Variants in L2HGDH observed in about 807,000 individuals in gnomAD.
L2HGDH encodes the protein L-2-hydroxyglutarate dehydrogenase, also known as L-2-hydroxyglutarate dehydrogenase, mitochondrial.
Under a neutral mutation model 51.5 loss-of-function variants are expected in L2HGDH, and 34 were observed. The ratio of observed to expected loss-of-function variants is 0.66; its 90% CI spans 0.50 to 0.88. The LOEUF is 0.88. Among genes scored for constraint, L2HGDH ranks in the 40% least tolerant of loss-of-function variants. The probability of loss-of-function intolerance (pLI) is 0.00; values close to 1 mark genes in which losing one functional copy is unlikely to be tolerated. For synonymous variants in L2HGDH, 198 were observed against 197.9 expected (o/e 1.00, Z -0.01); for missense variants, 558 against 571.9 (o/e 0.98, Z 0.25).
chr14:50,249,297 G>C (rs2139928244), intron 9 of L2HGDH, among the ~76,000 whole-genome samples: 1 of 152,334 alleles, frequency 6.6e-6, no homozygotes, highest in African/African-American at 2.4e-5. Context: ...CAGTGGACTA[G>C]GGTGGCATGT....
At chr14:50,271,371 T>G (rs191977257) in intron 6 of L2HGDH, among the ~76,000 whole-genome samples, 2 of 152,308 alleles carry the variant, frequency 1.3e-5, no homozygotes, top group African/African-American at 4.8e-5. Context: ...AATAACCTAA[T>G]AGTTCTCTTT....
chr14:50,259,951 G>A (rs1000458111), intron 9 of L2HGDH, among the ~76,000 whole-genome samples: 1 of 150,284 alleles, frequency 6.7e-6, no homozygotes, highest in Non-Finnish European at 1.5e-5. Context: ...GGGTGGGGAG[G>A]GGAGGGAGGG....
chr14:50,271,880 C>T (rs910087572), intron 6 of L2HGDH, among the ~76,000 whole-genome samples: 6 of 152,214 alleles, frequency 3.9e-5, no homozygotes, highest in Non-Finnish European at 5.9e-5. Context: ...GTGGCTCACA[C>T]CTGTAATCCC....
At chr14:50,289,981 G>A (rs555877777) in intron 4 of L2HGDH, among the ~76,000 whole-genome samples, 6 of 152,080 alleles carry the variant, frequency 3.9e-5, no homozygotes, top group East Asian at 1.9e-4. Flanking sequence ...ACTCCCTTAA[G>A]TCGGCCAGGC....
At chr14:50,268,489 T>C (rs1889480175) in intron 7 of L2HGDH, among the ~76,000 whole-genome samples, 1 of 151,998 alleles carries the variant, frequency 6.6e-6, no homozygotes, top group South Asian at 2.1e-4. Context: ...CTGTCTTACT[T>C]CAGGCTATTC....
At chr14:50,293,453 T>C (rs1282689735) in intron 4 of L2HGDH, among the ~76,000 whole-genome samples, 1 of 152,218 alleles carries the variant, frequency 6.6e-6, no homozygotes, top group Non-Finnish European at 1.5e-5. Context: ...TTTTTTCTAT[T>C]TTATTTTATT....
At chr14:50,258,768 C>T (rs1888822538) in intron 9 of L2HGDH, among the ~76,000 whole-genome samples, 2 of 152,126 alleles carry the variant, frequency 1.3e-5, no homozygotes, top group South Asian at 4.1e-4. Flanking sequence ...CTGATTCAGC[C>T]TCCCAAAGTG....
chr14:50,286,703 G>A (rs1357438422), intron 4 of L2HGDH, among the ~76,000 whole-genome samples: 2 of 152,106 alleles, frequency 1.3e-5, no homozygotes, highest in Non-Finnish European at 2.9e-5. Context: ...ATCATATAAA[G>A]TATATATCAC....
chr14:50,308,484 T>C (rs1350647681), intron 1 of L2HGDH, among the ~76,000 whole-genome samples: 3 of 151,510 alleles, frequency 2.0e-5, no homozygotes, highest in Non-Finnish European at 2.9e-5. Context: ...TGAAAAGATG[T>C]TCAACACCAT....
At chr14:50,307,710 GTATTA>G (rs922709057) in intron 1 of L2HGDH, among the ~76,000 whole-genome samples, 1 of 151,952 alleles carries the variant, frequency 6.6e-6, no homozygotes, top group Non-Finnish European at 1.5e-5. Flanking sequence ...ATCCCCTCCT[GTATTA>G]TATTATTTTG....
chr14:50,272,658 T>C (rs1256842431), intron 6 of L2HGDH, among the ~76,000 whole-genome samples: 1 of 152,202 alleles, frequency 6.6e-6, no homozygotes, highest in Non-Finnish European at 1.5e-5. Context: ...AACTGGGTGG[T>C]GTTGTCTGAC....
At chr14:50,294,289 T>C in intron 3 of L2HGDH, 43 bp from the exon 4 acceptor site, 2 of 1,591,296 alleles carry the variant, frequency 1.3e-6, no homozygotes, top group Non-Finnish European at 1.7e-6. Flanking sequence ...GAGGTGAATG[T>C]ATCATCAGCG....
intron 7 of L2HGDH, among the ~76,000 whole-genome samples, chr14:50,268,343 C>T (rs1359663989): frequency 2.1e-5 from 3 of 146,126 alleles, no homozygotes; most frequent in Non-Finnish European, 3.0e-5. Context: ...CATGCCACTG[C>T]ACTCCAGCCT....
intron 1 of L2HGDH, among the ~76,000 whole-genome samples, chr14:50,303,586 G>A (rs1012246419): frequency 7.3e-4 from 110 of 151,654 alleles, no homozygotes; most frequent in African/African-American, 1.2e-3. Context: ...AGACCAGCCC[G>A]GCCAACATGG....
intron 5 of L2HGDH, among the ~76,000 whole-genome samples, chr14:50,281,046 G>A (rs1036555518): frequency 2.0e-5 from 3 of 152,140 alleles, no homozygotes; most frequent in African/African-American, 7.2e-5. Flanking sequence ...TAAACTCCTG[G>A]CCTCAAGTGA....
chr14:50,310,936 C>CTTTTTTT (rs34399906), intron 1 of L2HGDH, among the ~76,000 whole-genome samples: 15 of 82,234 alleles, frequency 1.8e-4, no homozygotes, highest in South Asian at 5.1e-4. Context: ...CTTTTCTTTT[C>CTTTTTTT]TTTTTTTTTT....
At chr14:50,298,747 A>G (rs1480851383) in intron 3 of L2HGDH, among the ~76,000 whole-genome samples, 1 of 152,240 alleles carries the variant, frequency 6.6e-6, no homozygotes, top group Non-Finnish European at 1.5e-5. Context: ...CAGTGGGCCA[A>G]TAAAGAAATT....
At chr14:50,302,373 C>T (rs1227025238) in intron 2 of L2HGDH, among the ~76,000 whole-genome samples, 2 of 152,222 alleles carry the variant, frequency 1.3e-5, no homozygotes, top group Non-Finnish European at 2.9e-5. Flanking sequence ...TCAACTACAA[C>T]TTTGGTGCAC....
chr14:50,295,572 ATTTTTTT>A (rs545388262), intron 3 of L2HGDH, among the ~76,000 whole-genome samples: 1 of 105,786 alleles, frequency 9.5e-6, no homozygotes, highest in Admixed American at 1.0e-4. Context: ...CACTCGGCTA[ATTTTTTT>A]TTTTTTTTTT....
Sources: gnomAD v4.1 joint callset for allele counts (sites outside exome capture counted in the v4.1 genomes callset) on GRCh38, gnomAD v4.1.1 for gene constraint, MANE v1.5 for transcripts, NCBI Gene and HGNC (gene_info 2026-07-23, HGNC 2026-07-21) for gene names.